Variants in SIMC1 observed in about 807,000 individuals in gnomAD.
SIMC1 encodes the protein SUMO interacting motifs containing 1.
SIMC1 carries 55 observed loss-of-function variants against 82.3 expected under a neutral mutation model. The observed-to-expected ratio is 0.67, with a 90% CI of 0.54 to 0.84. The LOEUF is 0.84. Ranked by LOEUF, SIMC1 falls within the 40% of genes least tolerant of loss-of-function variation. SIMC1 has a pLI of 0.00. For synonymous variants in SIMC1, 353 were observed against 426.3 expected (o/e 0.83, Z 2.12); for missense variants, 915 against 1,107.2 (o/e 0.83, Z 2.46).
intron 1 of SIMC1, among the ~76,000 whole-genome samples, chr5:176,256,726 A>G (rs2113134837): frequency 6.6e-6 from 1 of 152,276 alleles, no homozygotes; most frequent in African/African-American, 2.4e-5. Flanking sequence ...TCATTTTAAA[A>G]CAATTATCTT....
chr5:176,308,520 A>G lies in SIMC1; in HGVS notation c.1735-5171A>G, dbSNP rs902613251. 18 of 1,605,540 alleles carry G rather than the reference A, an allele frequency of 1.1e-5. No individual in the cohort carries two copies. In the Admixed American group the frequency reaches 2.2e-4, roughly 20 times the overall value. ...GATGGATCAAGGCTTTGTAGGACTT[A>G]TTTTTTCCTGTTTCATAGAAGATAA... is the stretch of plus-strand genomic sequence containing the variant. On this transcript the variant is annotated intron_variant, in intron 4 of 9. Coordinates refer to ENST00000429602, the MANE Select transcript of SIMC1 (RefSeq NM_001308195.2).
At chr5:176,281,921 C>T (rs972284663) in intron 1 of SIMC1, among the ~76,000 whole-genome samples, 10 of 152,226 alleles carry the variant, frequency 6.6e-5, no homozygotes, top group Admixed American at 3.9e-4. Flanking sequence ...GTTCTCAGAT[C>T]TCCAGCTGCG....
chr5:176,282,287 G>A (rs1234242032), intron 1 of SIMC1, among the ~76,000 whole-genome samples: 1 of 152,242 alleles, frequency 6.6e-6, no homozygotes, highest in Non-Finnish European at 1.5e-5. Flanking sequence ...CGTCGGAAAA[G>A]CGCAGTATTA....
At chr5:176,336,554 C>T (rs1765903455) in intron 7 of SIMC1, among the ~76,000 whole-genome samples, 166 bp from the exon 8 acceptor site, 2 of 152,196 alleles carry the variant, frequency 1.3e-5, no homozygotes, top group South Asian at 4.1e-4. Context: ...ATCCAACAAA[C>T]CCATTTCTAC....
chr5:176,294,678 C>T lies in SIMC1; in HGVS notation c.1432-352C>T, dbSNP rs114676330. Among the ~76,000 whole-genome samples, 562 of 151,614 alleles carry T rather than the reference C, an allele frequency of 3.7e-3. 3 individuals are homozygous for T. The highest frequency in any genetic ancestry group is 0.013 in the African/African-American group (527 of 41,394). On this transcript the variant is annotated intron_variant, in intron 2 of 9. Coordinates refer to ENST00000429602, the MANE Select transcript of SIMC1 (RefSeq NM_001308195.2). ...TCTTATTTTTGTATACTATAGAAATCCCGGCTCGGCGCCGTGGCTCACACC... is the reference window on the plus strand; with the variant it reads ...TCTTATTTTTGTATACTATAGAAATTCCGGCTCGGCGCCGTGGCTCACACC...
At chr5:176,261,700 A>T (rs1762020723) in intron 1 of SIMC1, among the ~76,000 whole-genome samples, 1 of 151,908 alleles carries the variant, frequency 6.6e-6, no homozygotes. Flanking sequence ...TTGGGCTGAG[A>T]TCATGCCACT....
intron 1 of SIMC1, among the ~76,000 whole-genome samples, chr5:176,277,468 C>T (rs1215190781): frequency 6.6e-6 from 1 of 151,772 alleles, no homozygotes; most frequent in East Asian, 1.9e-4. Flanking sequence ...TCCCATTTGT[C>T]AATTTTGGCT....
intron 1 of SIMC1, chr5:176,270,338 C>T (rs1762370749): frequency 1.3e-5 from 2 of 151,924 alleles, no homozygotes; most frequent in Admixed American, 1.3e-4. Flanking sequence ...CTGTGAAAAC[C>T]CCACAGCTAG....
Position 176,313,865 on chromosome 5 carries a change from C to T in SIMC1, c.1889+20C>T, listed in dbSNP as rs1434767596. ...TGTCAGGTAAGCAGCCACCTGAGCC[C>T]TCGGATGAGAAGAGGTAAGGGATTA... On this transcript the variant is annotated intron_variant, in intron 5 of 9. Coordinates refer to ENST00000429602, the MANE Select transcript of SIMC1 (RefSeq NM_001308195.2). The T allele has an allele frequency of 6.2e-7, 1 of 1,612,650 alleles. No homozygotes were observed. The highest frequency in any genetic ancestry group is 8.5e-7 in the Non-Finnish European group (1 of 1,179,748).
rs1766452472 is a variant in SIMC1 at position 176,345,862 on chromosome 5, C to T, written c.*417C>T. The T allele has an allele frequency of 1.3e-5, 2 of 152,424 alleles. No individual in the cohort carries two copies. Among genetic ancestry groups the T allele is most frequent in the Admixed American group, 1.3e-4 (2 of 15,274 alleles). 9.4% of individuals were successfully genotyped at this position (152,424 alleles called of 1,614,324 possible). On this transcript the variant is annotated 3_prime_UTR_variant, in exon 10 of 10. Coordinates refer to ENST00000429602, the MANE Select transcript of SIMC1 (RefSeq NM_001308195.2). ...TTTTCCCTAATGAAATGCAAGCATTCTGTTAGACCTATTATATTGCCTGTT... is the reference window on the plus strand; with the variant it reads ...TTTTCCCTAATGAAATGCAAGCATTTTGTTAGACCTATTATATTGCCTGTT...
At chr5:176,279,186 T>G (rs1231405045) in intron 1 of SIMC1, among the ~76,000 whole-genome samples, 2 of 152,218 alleles carry the variant, frequency 1.3e-5, no homozygotes, top group African/African-American at 4.8e-5. Context: ...TGGGAGAGTG[T>G]ATGTGTCGAG....
intron 4 of SIMC1, chr5:176,304,350 A>G (rs564593514): frequency 0.13 from 20,657 of 158,788 alleles, 1,397 homozygotes; most frequent in Middle Eastern, 0.19. Context: ...GGCACGCGCC[A>G]CCACGCCTGA....
chr5:176,272,296 C>A (rs1389238907), intron 1 of SIMC1, among the ~76,000 whole-genome samples: 1 of 151,078 alleles, frequency 6.6e-6, no homozygotes. Flanking sequence ...CATAGCGAGA[C>A]CCCATCTCAA....
intron 1 of SIMC1, among the ~76,000 whole-genome samples, chr5:176,271,985 CATA>C (rs1418890340): frequency 2.1e-5 from 3 of 141,608 alleles, no homozygotes; most frequent in Admixed American, 1.5e-4. Context: ...TTATATATAA[CATA>C]ATATATATAA....
chr5:176,282,881 A>G (rs1763078077), intron 1 of SIMC1, among the ~76,000 whole-genome samples: 1 of 152,230 alleles, frequency 6.6e-6, no homozygotes, highest in South Asian at 2.1e-4. Flanking sequence ...ATGCATGCAC[A>G]AGCTTCAGTA....
chr5:176,287,432 G>A (rs900447175), intron 1 of SIMC1, among the ~76,000 whole-genome samples: 5 of 152,142 alleles, frequency 3.3e-5, no homozygotes, highest in Admixed American at 6.5e-5. Flanking sequence ...TGAACAATGA[G>A]AACACTTGGA....
rs1765203623 is a variant in SIMC1, at chr5:176,322,348, T to G, written c.1965T>G (p.Ser655=). Residue 655 remains serine (S), a synonymous_variant, in exon 6 of 10, where the codon TCT becomes TCG. Transcript: ENST00000429602. ...LTQPPNGNQT[S]SGTGILKASS... ...AGCCCCCAAATGGAAATCAAACGTC[T>G]TCAGGAACAGGAATCTTGAAAGCCA... The G allele has an allele frequency of 6.2e-7, 1 of 1,600,498 alleles. No homozygotes were observed. The highest frequency in any genetic ancestry group is 1.3e-5 in the African/African-American group (1 of 74,820).
intron 1 of SIMC1, among the ~76,000 whole-genome samples, chr5:176,275,729 T>C (rs1234416539): frequency 6.6e-6 from 1 of 151,930 alleles, no homozygotes; most frequent in African/African-American, 2.4e-5. Flanking sequence ...ATTGAGATAA[T>C]CATGTGGTTT....
intron 1 of SIMC1, among the ~76,000 whole-genome samples, chr5:176,274,281 T>C (rs1230945243): frequency 2.9e-5 from 4 of 140,296 alleles, no homozygotes; most frequent in African/African-American, 7.9e-5. Context: ...TTTCATGTGT[T>C]TTTTGGCTGC....
Sources: allele counts gnomAD v4.1 joint callset (sites outside exome capture counted in the v4.1 genomes callset), GRCh38; gene constraint gnomAD v4.1.1; transcripts MANE v1.5; gene names NCBI Gene and HGNC (gene_info 2026-07-23, HGNC 2026-07-21).